The following TMX3 variants were observed in gnomAD, a reference collection of about 807,000 sequenced individuals.
TMX3 encodes the protein protein disulfide-isomerase TMX3.
TMX3 carries 40 observed loss-of-function variants against 64.4 expected under a neutral mutation model. The ratio of observed to expected loss-of-function variants is 0.62; its 90% CI spans 0.48 to 0.81. TMX3 has a LOEUF of 0.81. TMX3 is among the 30% of genes least tolerant of loss of function. The pLI is 0.00. For missense variants in TMX3, 497 were observed against 534.5 expected (o/e 0.93, Z 0.69); for synonymous variants, 189 against 175.7 (o/e 1.08, Z -0.60).
At chr18:68,702,312 C>T (rs1017598360) in intron 4 of TMX3, among the ~76,000 whole-genome samples, 6 of 151,230 alleles carry the variant, frequency 4.0e-5, no homozygotes, top group African/African-American at 7.3e-5. Context: ...AACAGAGGAT[C>T]GAAAAGCAAC....
chr18:68,682,722 TTA>T (rs1230802885), intron 13 of TMX3, among the ~76,000 whole-genome samples: 4 of 152,034 alleles, frequency 2.6e-5, no homozygotes, highest in African/African-American at 9.7e-5. Context: ...TTTTTTTTTT[TTA>T]CTATAGACCA....
intron 15 of TMX3, among the ~76,000 whole-genome samples, chr18:68,678,060 T>C (rs755245873): frequency 6.6e-6 from 1 of 152,068 alleles, no homozygotes; most frequent in Non-Finnish European, 1.5e-5. Flanking sequence ...ATTAACTGTG[T>C]AGTGGAATAT....
intron 1 of TMX3, chr18:68,714,592 C>T: frequency 5.1e-6 from 2 of 392,510 alleles, no homozygotes; most frequent in Non-Finnish European, 9.2e-6. Context: ...AAAGCCAAGG[C>T]AAGATTTGGT....
At chr18:68,696,053 T>TA (rs1387896631) in intron 8 of TMX3, among the ~76,000 whole-genome samples, 1 of 152,210 alleles carries the variant, frequency 6.6e-6, no homozygotes, top group East Asian at 1.9e-4. Flanking sequence ...TCATATCACG[T>TA]AAAAGTCTCA....
intron 1 of TMX3, among the ~76,000 whole-genome samples, chr18:68,714,643 G>A (rs569774731): frequency 3.4e-4 from 52 of 152,358 alleles, no homozygotes; most frequent in African/African-American, 1.3e-3. Context: ...CCCATCAAAG[G>A]AGTAAGCTTT....
chr18:68,697,804 G>T lies in TMX3; in HGVS notation c.492+128C>A. The T allele has an allele frequency of 5.0e-6, 3 of 603,590 alleles. No homozygotes were observed. In the South Asian group the frequency reaches 7.2e-5, roughly 14 times the overall value. 37.4% of individuals were successfully genotyped at this position (603,590 alleles called of 1,614,324 possible). On this transcript the variant is annotated intron_variant, in intron 7 of 15. Transcript: ENST00000299608. ...AGGAAGTGTTTTTATTATAAGAAAT[G>T]CTTAGAATGAATGAAAATATTTCCA... is the stretch of plus-strand genomic sequence containing the variant.
At chr18:68,684,811 A>C (rs1913787374) in intron 10 of TMX3, among the ~76,000 whole-genome samples, 2 of 152,148 alleles carry the variant, frequency 1.3e-5, no homozygotes, top group African/African-American at 2.4e-5. Flanking sequence ...ACACCCTACA[A>C]ATTGGCTAAG....
Position 68,675,099 on chromosome 18 carries a change from T to G in TMX3, c.*1834A>C, listed in dbSNP as rs1912818330. On this transcript the variant is annotated 3_prime_UTR_variant, in exon 16 of 16. Transcript: ENST00000299608. ...ACTATTTCCCCATGTCACTGACTGCTAAGTTTTCACTTCCTTACTAGGCTG... is the reference window on the plus strand; with the variant it reads ...ACTATTTCCCCATGTCACTGACTGCGAAGTTTTCACTTCCTTACTAGGCTG... 1 of 152,154 alleles carries G rather than the reference T, an allele frequency of 6.6e-6. No homozygotes were observed. The highest frequency in any genetic ancestry group is 1.5e-5 in the Non-Finnish European group (1 of 68,002). 9.4% of individuals were successfully genotyped at this position (152,154 alleles called of 1,614,324 possible).
intron 9 of TMX3, among the ~76,000 whole-genome samples, chr18:68,690,308 C>A (rs896444982): frequency 6.6e-6 from 1 of 152,046 alleles, no homozygotes; most frequent in Non-Finnish European, 1.5e-5. Context: ...AAACACAGTT[C>A]GTGAGAACAA....
rs1913002326 is a variant in TMX3, at chr18:68,677,123, A to G, written c.1175T>C (p.Met392Thr). ...GTCGGCTGTGTAGATTCCATAGCACATGATACTGATGACACCCAGTGGCAG... is the reference window on the plus strand; with the variant it reads ...GTCGGCTGTGTAGATTCCATAGCACGTGATACTGATGACACCCAGTGGCAG... The part of the protein sequence containing the change: ...FGLPLGVISI[M>T]CYGIYTADTD... The change falls in exon 16 of 16, where the codon ATG becomes ACG. Residue 392 changes from methionine (M) to threonine (T), a missense_variant. Met to Thr is a moderately conservative substitution (Grantham distance 81). Around this residue, in one of 3 missense-constraint regions of TMX3, gnomAD observed 94 missense variants for 75.8 expected, o/e 1.24. Transcript: ENST00000299608. 2 of 1,613,280 alleles carry G rather than the reference A, an allele frequency of 1.2e-6. No individual in the cohort carries two copies. The highest frequency in any genetic ancestry group is 8.5e-7 in the Non-Finnish European group (1 of 1,179,634).
chr18:68,688,257 C>G (rs991930372), intron 9 of TMX3, among the ~76,000 whole-genome samples: 1 of 152,114 alleles, frequency 6.6e-6, no homozygotes, highest in Non-Finnish European at 1.5e-5. Flanking sequence ...CATGGCACTA[C>G]AGGTAATTTT....
Position 68,691,372 on chromosome 18 carries a change from T to C in TMX3, c.571-11A>G, listed in dbSNP as rs146793128. ...TTTTAGTGTCACATACTGCAAAAAA[T>C]CAGAAGTTTAAATAACTTTTATCAC... On this transcript the variant is annotated splice_polypyrimidine_tract_variant and intron_variant, in intron 8 of 15. Coordinates refer to ENST00000299608, the MANE Select transcript of TMX3 (RefSeq NM_019022.5). 1.4e-3 allele frequency: 2,009 copies of C among 1,482,306 alleles called. 29 individuals are homozygous for C. The African/African-American group carries it at 0.025, about 18-fold the overall frequency. 91.8% of individuals were successfully genotyped at this position (1,482,306 alleles called of 1,614,324 possible). A position where few individuals can be genotyped will look rare whatever the true frequency, so the allele number is the denominator to read the frequency against.
chr18:68,690,384 T>C (rs571419339), intron 9 of TMX3, among the ~76,000 whole-genome samples: 2 of 152,200 alleles, frequency 1.3e-5, no homozygotes, highest in Non-Finnish European at 2.9e-5. Context: ...ATCAGCTGAG[T>C]CTGCATTCAC....
At chr18:68,714,441 G>A (rs564747759) in intron 1 of TMX3, 1 of 162,458 alleles carries the variant, frequency 6.2e-6, no homozygotes, top group African/African-American at 2.4e-5. Flanking sequence ...ATGCTGACGG[G>A]AGGCAGCTGA....
intron 9 of TMX3, chr18:68,688,925 A>T (rs1914233411): frequency 6.6e-6 from 1 of 152,214 alleles, no homozygotes; most frequent in African/African-American, 2.4e-5. Flanking sequence ...GACAAGGGCT[A>T]AAAAAACTAC....
Position 68,674,059 on chromosome 18 carries a change from AAC to A in TMX3, c.*2872_*2873del, listed in dbSNP as rs1182002971. On this transcript the variant is annotated 3_prime_UTR_variant, in exon 16 of 16. Coordinates refer to ENST00000299608, the MANE Select transcript of TMX3 (RefSeq NM_019022.5). Reference sequence around the variant, plus strand: ...CCAAAATAAAAAGGTCCCAAAGCAAAACACACACAAAAAGTCACTAACAATAT... The same window carrying A: ...CCAAAATAAAAAGGTCCCAAAGCAAAACACACAAAAAGTCACTAACAATAT... 1 of 152,150 alleles carries A rather than the reference AAC, an allele frequency of 6.6e-6. No homozygotes were observed. The highest frequency in any genetic ancestry group is 1.9e-4 in the East Asian group (1 of 5,192). 9.4% of individuals were successfully genotyped at this position (152,150 alleles called of 1,614,324 possible).
rs142203158 is a variant in TMX3 at position 68,699,569 on chromosome 18, C to T, written c.392+836G>A. Among the ~76,000 whole-genome samples, 238 of 152,172 alleles carry T rather than the reference C, an allele frequency of 1.6e-3. 1 individual carries two copies. Among genetic ancestry groups the T allele is most frequent in the African/African-American group, 5.6e-3 (233 of 41,520 alleles). On this transcript the variant is annotated intron_variant, in intron 6 of 15. Coordinates refer to ENST00000299608, the MANE Select transcript of TMX3 (RefSeq NM_019022.5). ...GAGACAGTATTGTGCCACCAACAAA[C>T]TCATTTTATTTTAATTTACCTTAAA... is the stretch of plus-strand genomic sequence containing the variant.
Position 68,687,647 on chromosome 18 carries a change from C to T in TMX3, c.736+20G>A. On this transcript the variant is annotated intron_variant, in intron 10 of 15. Transcript: ENST00000299608. ...GAAAAATCATGTAACATAATGGAGA[C>T]TTGTACATATGCTTGTTACCTGTGT... is the stretch of plus-strand genomic sequence containing the variant. The T allele has an allele frequency of 1.9e-6, 3 of 1,590,522 alleles. No individual in the cohort carries two copies. The highest frequency in any genetic ancestry group is 2.6e-6 in the Non-Finnish European group (3 of 1,171,322).
chr18:68,711,476 T>C, intron 2 of TMX3, 73 bp from the exon 3 acceptor site: 1 of 1,040,716 alleles, frequency 9.6e-7, no homozygotes, highest in East Asian at 2.7e-5. Flanking sequence ...TAGGCAGAGA[T>C]AATACATTGA....
Sources: allele counts gnomAD v4.1 joint callset (sites outside exome capture counted in the v4.1 genomes callset), GRCh38; gene constraint gnomAD v4.1.1; regional missense constraint gnomAD v4.1.1; transcripts MANE v1.5; gene names NCBI Gene and HGNC (gene_info 2026-07-23, HGNC 2026-07-21).